The following DCC variants were observed in gnomAD, a reference collection of about 807,000 sequenced individuals.
DCC encodes DCC netrin 1 receptor, also known as netrin receptor DCC.
A neutral mutation model predicts 172.5 loss-of-function variants in DCC; 58 were observed. That is an observed-to-expected ratio of 0.34 (90% CI 0.27 to 0.42). DCC has a LOEUF of 0.42. DCC is among the 10% of genes least tolerant of loss of function. The pLI, the probability that DCC is intolerant of heterozygous loss-of-function variation, is 1.00. For synonymous variants in DCC, 709 were observed against 644.5 expected (o/e 1.10, Z -1.52); for missense variants, 1,740 against 1,791.0 (o/e 0.97, Z 0.51).
intron 24 of DCC, among the ~76,000 whole-genome samples, chr18:53,462,172 C>T (rs539709870): frequency 1.3e-5 from 2 of 152,116 alleles, no homozygotes; most frequent in Non-Finnish European, 2.9e-5. Flanking sequence ...AGAAGTATGA[C>T]TTATTTATGG....
chr18:52,806,231 T>A (rs901824569), intron 2 of DCC, among the ~76,000 whole-genome samples: 1 of 152,168 alleles, frequency 6.6e-6, no homozygotes, highest in Non-Finnish European at 1.5e-5. Flanking sequence ...AGACTTCCCA[T>A]ACACCCCAGT....
chr18:52,814,204 C>T (rs2038248770), intron 2 of DCC, among the ~76,000 whole-genome samples: 2 of 152,216 alleles, frequency 1.3e-5, no homozygotes, highest in Admixed American at 6.5e-5. Context: ...TCTCCTAGCC[C>T]TGTGAGTCAA....
At chr18:53,012,973 G>C (rs1342934959) in intron 5 of DCC, among the ~76,000 whole-genome samples, 1 of 152,134 alleles carries the variant, frequency 6.6e-6, no homozygotes, top group Non-Finnish European at 1.5e-5. Flanking sequence ...GTGAAAAATA[G>C]TTCATTATCA....
intron 2 of DCC, among the ~76,000 whole-genome samples, chr18:52,770,298 A>T (rs1270770283): frequency 6.6e-6 from 1 of 152,144 alleles, no homozygotes; most frequent in African/African-American, 2.4e-5. Context: ...AATTTCGTGG[A>T]AATCCTAAAC....
intron 1 of DCC, among the ~76,000 whole-genome samples, chr18:52,428,405 C>A (rs1382221284): frequency 6.6e-6 from 1 of 151,974 alleles, no homozygotes. Flanking sequence ...AAAAATGTAA[C>A]AAATGTGTTT....
In DCC at chr18:52,774,473, T is replaced by C. The variant is rs189785565; in HGVS notation, c.412+22099T>C. Among the ~76,000 whole-genome samples, 60 of 152,372 alleles carry C rather than the reference T, an allele frequency of 3.9e-4. 1 individual carries two copies. The South Asian group carries it at 6.4e-3, about 16-fold the overall frequency. The stretch of plus-strand genomic sequence containing the variant: ...GCTACATCTTCTTCCCTGTTTACTT[T>C]GTGCAGAATACTCAACAAGTAGCCA... On this transcript the variant is annotated intron_variant, in intron 2 of 28. Coordinates refer to ENST00000442544, the MANE Select transcript of DCC (RefSeq NM_005215.4).
At chr18:52,738,293 A>G (rs75528847) in intron 1 of DCC, among the ~76,000 whole-genome samples, 1 of 152,186 alleles carries the variant, frequency 6.6e-6, no homozygotes, top group East Asian at 1.9e-4. Context: ...TGCAAACATC[A>G]TAGAGTGTCC....
chr18:52,512,895 G>A (rs2031493441), intron 1 of DCC, among the ~76,000 whole-genome samples: 1 of 152,178 alleles, frequency 6.6e-6, no homozygotes, highest in Non-Finnish European at 1.5e-5. Context: ...CCCTGAAGCA[G>A]AATGTTTTTT....
chr18:53,255,542 A>T (rs965428974), intron 12 of DCC, among the ~76,000 whole-genome samples: 4 of 151,420 alleles, frequency 2.6e-5, no homozygotes, highest in Non-Finnish European at 5.9e-5. Flanking sequence ...AAGGACATGA[A>T]CTCATCCTTT....
intron 18 of DCC, among the ~76,000 whole-genome samples, chr18:53,401,759 G>A (rs1210481228): frequency 6.6e-6 from 1 of 152,152 alleles, no homozygotes; most frequent in Non-Finnish European, 1.5e-5. Context: ...TAACAGACTT[G>A]TGGCATTGTG....
chr18:53,324,625 A>G (rs1013965495), intron 14 of DCC, among the ~76,000 whole-genome samples: 1 of 152,150 alleles, frequency 6.6e-6, no homozygotes, highest in Non-Finnish European at 1.5e-5. Context: ...AGAAAAATCA[A>G]GAACAGTCAT....
intron 1 of DCC, among the ~76,000 whole-genome samples, chr18:52,597,394 A>T (rs377553381): frequency 6.6e-6 from 1 of 152,208 alleles, no homozygotes; most frequent in East Asian, 1.9e-4. Flanking sequence ...ATTACAAAGA[A>T]TATTGTTGCA....
At chr18:52,912,438 C>T (rs761106205) in intron 3 of DCC, among the ~76,000 whole-genome samples, 1 of 152,010 alleles carries the variant, frequency 6.6e-6, no homozygotes, top group Non-Finnish European at 1.5e-5. Flanking sequence ...AATTTGTCTA[C>T]TGGTAGTTCA....
At chr18:53,091,413 TACAC>T (rs888199178) in intron 7 of DCC, among the ~76,000 whole-genome samples, 5 of 148,734 alleles carry the variant, frequency 3.4e-5, no homozygotes, top group African/African-American at 4.9e-5. Context: ...TATGTATATA[TACAC>T]ACACACACGC....
intron 5 of DCC, among the ~76,000 whole-genome samples, chr18:53,059,310 G>T (rs2042461285): frequency 6.6e-6 from 1 of 152,080 alleles, no homozygotes; most frequent in Non-Finnish European, 1.5e-5. Flanking sequence ...ATTATAGAGT[G>T]AAACAGTAAA....
intron 5 of DCC, among the ~76,000 whole-genome samples, chr18:52,987,274 C>T (rs1388385372): frequency 6.6e-6 from 1 of 152,158 alleles, no homozygotes; most frequent in Non-Finnish European, 1.5e-5. Flanking sequence ...CCCAACAGCC[C>T]ATGCACAATG....
chr18:53,183,210 G>A (rs565420321), intron 9 of DCC, among the ~76,000 whole-genome samples: 33 of 152,216 alleles, frequency 2.2e-4, no homozygotes, highest in African/African-American at 7.7e-4. Context: ...GCCAGCAACT[G>A]TTTCTAAAAG....
intron 25 of DCC, among the ~76,000 whole-genome samples, chr18:53,481,836 G>A (rs1483503005): frequency 6.6e-6 from 1 of 152,084 alleles, no homozygotes; most frequent in Non-Finnish European, 1.5e-5. Context: ...CCTTGTTCAG[G>A]GAGCTAAGTA....
chr18:52,647,814 C>T (rs932557038), intron 1 of DCC, among the ~76,000 whole-genome samples: 9 of 152,264 alleles, frequency 5.9e-5, no homozygotes, highest in Admixed American at 5.2e-4. Flanking sequence ...ACTACTGCTA[C>T]GTTCAAGGGA....
Sources: gnomAD v4.1 joint callset for allele counts (sites outside exome capture counted in the v4.1 genomes callset) on GRCh38, gnomAD v4.1.1 for gene constraint, MANE v1.5 for transcripts, NCBI Gene and HGNC (gene_info 2026-07-23, HGNC 2026-07-21) for gene names.